The following HDAC9 variants were observed in gnomAD, a reference collection of about 807,000 sequenced individuals.
HDAC9 encodes the protein MEF-2 interacting transcription repressor (MITR) protein.
A neutral mutation model predicts 139.4 loss-of-function variants in HDAC9; 41 were observed. That is an observed-to-expected ratio of 0.29 (90% CI 0.23 to 0.38). The LOEUF (loss-of-function observed/expected upper bound fraction) is 0.38. Ranked by LOEUF, HDAC9 falls within the 10% of genes least tolerant of loss-of-function variation. HDAC9 has a pLI of 1.00. For missense variants in HDAC9, 1,147 were observed against 1,297.0 expected, an observed-to-expected ratio of 0.88 and a Z score of 1.78; for synonymous variants, 517 against 476.2, an observed-to-expected ratio of 1.09 and a Z score of -1.12.
In HDAC9 at chr7:18,496,216, A is replaced by C. The variant is rs768041077; in HGVS notation, c.-41-46A>C. ...ATGTAGCTGAAGTAAGAGTGACTGG[A>C]ATATGCTGCAGACAATTTACGAGAG... On this transcript the variant is annotated intron_variant, in intron 1 of 25. Transcript: ENST00000686413. 12 of 1,590,198 alleles carry C rather than the reference A, an allele frequency of 7.5e-6. No homozygotes were observed. The East Asian group carries it at 2.7e-4, about 36-fold the overall frequency.
intron 1 of HDAC9, among the ~76,000 whole-genome samples, chr7:18,475,591 A>C (rs1156999638): frequency 6.6e-6 from 1 of 152,202 alleles, no homozygotes; most frequent in African/African-American, 2.4e-5. Context: ...TAATTTTACT[A>C]ACACTGTAGC....
At chr7:18,099,007 G>A (rs532497155) in intron 1 of HDAC9, among the ~76,000 whole-genome samples, 1 of 152,138 alleles carries the variant, frequency 6.6e-6, no homozygotes, top group African/African-American at 2.4e-5. Context: ...TTCTTGACAG[G>A]TTGGGGAAAT....
intron 8 of HDAC9, among the ~76,000 whole-genome samples, chr7:18,642,244 C>T (rs570851224): frequency 1.4e-4 from 20 of 147,684 alleles, no homozygotes; most frequent in East Asian, 6.5e-4. Flanking sequence ...ATAAAGTCAC[C>T]GGAGCTTTTT....
intron 24 of HDAC9, among the ~76,000 whole-genome samples, chr7:18,955,551 T>C (rs1033906845): frequency 2.0e-5 from 3 of 152,192 alleles, no homozygotes; most frequent in African/African-American, 7.2e-5. Flanking sequence ...TCTGAGCATA[T>C]CACTTCAATA....
At chr7:18,987,213 A>T (rs1287190397) in intron 25 of HDAC9, among the ~76,000 whole-genome samples, 1 of 152,196 alleles carries the variant, frequency 6.6e-6, no homozygotes, top group Admixed American at 6.5e-5. Flanking sequence ...TTTGTCATAG[A>T]TAGCTCTTAT....
intron 6 of HDAC9, among the ~76,000 whole-genome samples, chr7:18,627,101 A>G (rs1208279445): frequency 2.0e-5 from 3 of 152,214 alleles, no homozygotes; most frequent in South Asian, 2.1e-4. Context: ...GCTTTAAGCT[A>G]TGTTTCACAA....
chr7:18,387,699 T>C (rs1395553858), intron 1 of HDAC9, among the ~76,000 whole-genome samples: 1 of 152,240 alleles, frequency 6.6e-6, no homozygotes, highest in Non-Finnish European at 1.5e-5. Flanking sequence ...AAACCTTTTA[T>C]TTCAGTGGCA....
intron 1 of HDAC9, among the ~76,000 whole-genome samples, chr7:18,294,988 G>C (rs969669079): frequency 6.6e-6 from 1 of 152,094 alleles, no homozygotes; most frequent in South Asian, 2.1e-4. Context: ...GAGACGTCTT[G>C]TGTGAAGATG....
intron 1 of HDAC9, among the ~76,000 whole-genome samples, chr7:18,405,159 A>G (rs921977065): frequency 2.6e-5 from 4 of 152,198 alleles, no homozygotes; most frequent in African/African-American, 9.6e-5. Context: ...TTCTTCATCA[A>G]AGTTATAACA....
chr7:18,757,808 A>G (rs1011018748), intron 14 of HDAC9, among the ~76,000 whole-genome samples: 3 of 152,256 alleles, frequency 2.0e-5, no homozygotes, highest in African/African-American at 4.8e-5. Flanking sequence ...GATCATGTTC[A>G]GAACATTTCT....
intron 2 of HDAC9, among the ~76,000 whole-genome samples, chr7:18,531,602 C>T (rs1239141195): frequency 1.3e-5 from 2 of 151,770 alleles, no homozygotes; most frequent in Non-Finnish European, 2.9e-5. Flanking sequence ...CTATATGTTG[C>T]TCCTTGACAG....
chr7:18,906,118 T>C (rs2129285524), intron 22 of HDAC9, among the ~76,000 whole-genome samples: 1 of 151,796 alleles, frequency 6.6e-6, no homozygotes, highest in Non-Finnish European at 1.5e-5. Flanking sequence ...CACTTTCAAA[T>C]GTCTTTTTCC....
At chr7:18,911,490 G>A (rs938253083) in intron 22 of HDAC9, among the ~76,000 whole-genome samples, 1 of 151,060 alleles carries the variant, frequency 6.6e-6, no homozygotes, top group African/African-American at 2.4e-5. Context: ...TTCATCTTTT[G>A]TATTTTTTGG....
At chr7:18,330,292 C>T (rs1800816164) in intron 1 of HDAC9, among the ~76,000 whole-genome samples, 1 of 151,380 alleles carries the variant, frequency 6.6e-6, no homozygotes, top group East Asian at 1.9e-4. Context: ...GTATTTCAGA[C>T]ACTTAGATAT....
Position 18,996,401 on chromosome 7 carries a change from T to C in HDAC9, c.*339T>C, listed in dbSNP as rs2129354997. The C allele has an allele frequency of 5.5e-6, 1 of 180,372 alleles. No individual in the cohort carries two copies. Among genetic ancestry groups the C allele is most frequent in the African/African-American group, 2.4e-5 (1 of 42,504 alleles). The allele number at this position is 180,372 out of a possible 1,614,324, so 11.2% of individuals were successfully genotyped here. ...CAGTACAGCACTAGATATTGTTAAT[T>C]TCAGAAGCTATGACAGCCAGTGAAA... On this transcript the variant is annotated 3_prime_UTR_variant, in exon 26 of 26. Transcript: ENST00000686413.
intron 1 of HDAC9, among the ~76,000 whole-genome samples, chr7:18,340,008 T>C (rs978554052): frequency 2.6e-5 from 4 of 151,522 alleles, no homozygotes; most frequent in African/African-American, 9.7e-5. Flanking sequence ...CCTACTATAA[T>C]TGTGGATTTG....
chr7:18,523,170 A>C (rs569627422), intron 2 of HDAC9, among the ~76,000 whole-genome samples: 40 of 152,360 alleles, frequency 2.6e-4, no homozygotes, highest in African/African-American at 8.2e-4. Flanking sequence ...CAGATGATTA[A>C]GGACCTTTAA....
chr7:18,897,696 C>T (rs559985998), intron 22 of HDAC9, among the ~76,000 whole-genome samples: 53 of 151,244 alleles, frequency 3.5e-4, no homozygotes, highest in Non-Finnish European at 6.5e-4. Flanking sequence ...TTGGAGTCTA[C>T]TTAAAGATTT....
intron 1 of HDAC9, among the ~76,000 whole-genome samples, chr7:18,113,661 A>ACT (rs1783775387): frequency 1.3e-5 from 2 of 152,032 alleles, no homozygotes; most frequent in Admixed American, 1.3e-4. Context: ...CTTTTAACAC[A>ACT]CTCTTATTTG....
Sources: allele counts gnomAD v4.1 joint callset (sites outside exome capture counted in the v4.1 genomes callset), GRCh38; gene constraint gnomAD v4.1.1; transcripts MANE v1.5; gene names NCBI Gene and HGNC (gene_info 2026-07-23, HGNC 2026-07-21).